MGAT4C: variants seen among roughly 807,000 people sequenced by gnomAD.
The protein encoded by MGAT4C is MGAT4 family member C.
A neutral mutation model predicts 40.1 loss-of-function variants in MGAT4C; 19 were observed. That is an observed-to-expected ratio of 0.47 (90% CI 0.33 to 0.70). The LOEUF is 0.70. Ranked by LOEUF, MGAT4C falls within the 30% of genes least tolerant of loss-of-function variation. The pLI is 0.02. For missense variants in MGAT4C, 491 were observed against 563.2 expected (o/e 0.87, Z 1.30); for synonymous variants, 181 against 187.1 (o/e 0.97, Z 0.27).
At chr12:86,081,195 A>G (rs1018214323) in intron 1 of MGAT4C, among the ~76,000 whole-genome samples, 3 of 152,186 alleles carry the variant, frequency 2.0e-5, no homozygotes, top group African/African-American at 7.2e-5. Context: ...AGACACTTGA[A>G]CAGTTCCTGA....
intron 1 of MGAT4C, among the ~76,000 whole-genome samples, chr12:86,150,945 C>T (rs1353742917): frequency 1.3e-5 from 2 of 152,096 alleles, no homozygotes; most frequent in Admixed American, 1.3e-4. Context: ...CTTTGGCATC[C>T]AGGGTTTTTA....
chr12:85,986,503 A>C (rs1472086334), intron 3 of MGAT4C, among the ~76,000 whole-genome samples: 1 of 152,212 alleles, frequency 6.6e-6, no homozygotes, highest in African/African-American at 2.4e-5. Context: ...TCTCTAATAC[A>C]TAAGCAAATA....
At chr12:86,758,243 A>G (rs1385513185) in intron 1 of MGAT4C, among the ~76,000 whole-genome samples, 1 of 152,094 alleles carries the variant, frequency 6.6e-6, no homozygotes, top group Non-Finnish European at 1.5e-5. Context: ...ATATACCACT[A>G]AAGGTTTTAC....
chr12:86,278,266 C>T lies in MGAT4C; in HGVS notation c.-57+55799G>A, dbSNP rs546091469. 1.5e-3 allele frequency among the ~76,000 whole-genome samples: 220 copies of T among 150,202 alleles called. 1 individual carries two copies. Among genetic ancestry groups the T allele is most frequent in the African/African-American group, 5.2e-3 (213 of 40,852 alleles). ...TGGTCTTGGCTCACTGTAACCTCCGCCTCCTGGATTCAAGTGATTCTCCTG... is the reference window on the plus strand; with the variant it reads ...TGGTCTTGGCTCACTGTAACCTCCGTCTCCTGGATTCAAGTGATTCTCCTG... On this transcript the variant is annotated intron_variant, in intron 4 of 7. Coordinates refer to the MGAT4C transcript ENST00000548651.
chr12:86,518,349 A>C (rs924718098), intron 2 of MGAT4C, among the ~76,000 whole-genome samples: 2 of 152,342 alleles, frequency 1.3e-5, no homozygotes, highest in Non-Finnish European at 2.9e-5. Context: ...ACTTGAAAGT[A>C]AATAATAAGA....
intron 2 of MGAT4C, among the ~76,000 whole-genome samples, chr12:86,719,567 T>C (rs1447755544): frequency 6.6e-6 from 1 of 152,202 alleles, no homozygotes; most frequent in African/African-American, 2.4e-5. Context: ...TCAGTCTTAT[T>C]GCCTAGGAAT....
At chr12:86,566,348 G>C (rs901503221) in intron 2 of MGAT4C, among the ~76,000 whole-genome samples, 1 of 151,218 alleles carries the variant, frequency 6.6e-6, no homozygotes, top group African/African-American at 2.4e-5. Flanking sequence ...TATGAAAAGA[G>C]AGACTTGGAC....
At chr12:85,998,095 C>A (rs889087379) in intron 2 of MGAT4C, among the ~76,000 whole-genome samples, 2 of 152,244 alleles carry the variant, frequency 1.3e-5, no homozygotes, top group Non-Finnish European at 2.9e-5. Flanking sequence ...CACTTCCATG[C>A]ACTCTCAGGC....
In MGAT4C at chr12:85,989,400, C is replaced by A; in HGVS notation, c.147G>T (p.Leu49=). 1 of 1,572,600 alleles carries A rather than the reference C, an allele frequency of 6.4e-7. No individual in the cohort carries two copies. ...MNLYIEDSYV[L]EGDKQLIRET... ...AAGACAATCAACCTCCCAAACTTAC[C>A]AGAACATAGCTATCTTCAATGTACA... The change falls in exon 3 of 5, where the codon CTG becomes CTT. Residue 49 remains leucine (L), a splice_region_variant and synonymous_variant. Coordinates refer to ENST00000611864, the MANE Select transcript of MGAT4C (RefSeq NM_001351288.2).
At chr12:86,465,554 A>C (rs12811958) in intron 2 of MGAT4C, among the ~76,000 whole-genome samples, 1 of 152,170 alleles carries the variant, frequency 6.6e-6, no homozygotes, top group Non-Finnish European at 1.5e-5. Flanking sequence ...CCTGAGTTAA[A>C]AAAAAAATAG....
rs1390987297 is a variant in MGAT4C, at chr12:85,959,385, A to C, written c.*19904T>G. The stretch of plus-strand genomic sequence containing the variant: ...TAAATCTTTGCTTTACAGGGCTTCA[A>C]GTTATAGATTTTTCTTTTTTCCTTT... On this transcript the variant is annotated 3_prime_UTR_variant, in exon 5 of 5. Transcript: ENST00000611864. The C allele has an allele frequency of 6.6e-6, 1 of 152,030 alleles. No homozygotes were observed. The highest frequency in any genetic ancestry group is 2.4e-5 in the African/African-American group (1 of 41,422). 9.4% of individuals were successfully genotyped at this position (152,030 alleles called of 1,614,324 possible).
At chr12:86,746,790 A>C (rs923663602) in intron 1 of MGAT4C, among the ~76,000 whole-genome samples, 2 of 151,578 alleles carry the variant, frequency 1.3e-5, no homozygotes, top group Admixed American at 1.3e-4. Context: ...ATCTTTTCTG[A>C]GCCCCCTCCA....
chr12:86,239,824 T>C (rs1566201501), intron 1 of MGAT4C, among the ~76,000 whole-genome samples: 2 of 140,196 alleles, frequency 1.4e-5, no homozygotes, highest in Non-Finnish European at 3.0e-5. Flanking sequence ...GAACATGTGC[T>C]CCTGGAAGAA....
intron 1 of MGAT4C, among the ~76,000 whole-genome samples, chr12:86,800,084 A>C (rs777280470): frequency 6.6e-6 from 1 of 151,898 alleles, no homozygotes; most frequent in African/African-American, 2.4e-5. Context: ...TATTTACTTC[A>C]GGGCAATTAA....
rs751309570 is a variant in MGAT4C, at chr12:85,976,157, G to A, written c.*3132C>T. 6.6e-6 allele frequency: 1 copy of A among 150,556 alleles called. No homozygotes were observed. The highest frequency in any genetic ancestry group is 1.5e-5 in the Non-Finnish European group (1 of 67,112). 9.3% of individuals were successfully genotyped at this position (150,556 alleles called of 1,614,324 possible). Reference sequence around the variant, plus strand: ...TGATAGCATTATAAAAATTCCCAGAGAATACTGGCCCAGTAAGAAATGGAA... The same window carrying A: ...TGATAGCATTATAAAAATTCCCAGAAAATACTGGCCCAGTAAGAAATGGAA... On this transcript the variant is annotated 3_prime_UTR_variant, in exon 5 of 5. Transcript: ENST00000611864.
intron 1 of MGAT4C, among the ~76,000 whole-genome samples, chr12:86,229,817 T>C (rs1239216932): frequency 6.6e-6 from 1 of 152,068 alleles, no homozygotes; most frequent in East Asian, 1.9e-4. Flanking sequence ...ATATTACTTA[T>C]ATAAGCTTAT....
chr12:86,663,037 T>C (rs1389192768), intron 2 of MGAT4C, among the ~76,000 whole-genome samples: 3 of 152,120 alleles, frequency 2.0e-5, no homozygotes, highest in Admixed American at 6.5e-5. Flanking sequence ...GTAGCTAGTT[T>C]TGTCAGAATT....
At chr12:86,157,197 A>C (rs997411403) in intron 1 of MGAT4C, among the ~76,000 whole-genome samples, 3 of 152,134 alleles carry the variant, frequency 2.0e-5, no homozygotes, top group Non-Finnish European at 4.4e-5. Flanking sequence ...TTTTAACGGA[A>C]AGTGCATTCA....
chr12:86,664,974 T>C (rs1964067706), intron 2 of MGAT4C, among the ~76,000 whole-genome samples: 1 of 152,150 alleles, frequency 6.6e-6, no homozygotes. Flanking sequence ...GTATCCCTCA[T>C]TTTATGCTTG....
Sources: gnomAD v4.1 joint callset for allele counts (sites outside exome capture counted in the v4.1 genomes callset) on GRCh38, gnomAD v4.1.1 for gene constraint, MANE v1.5 for transcripts, NCBI Gene and HGNC (gene_info 2026-07-23, HGNC 2026-07-21) for gene names.